MAOA: variants seen among roughly 807,000 people sequenced by gnomAD.
The protein encoded by MAOA is amine oxidase [flavin-containing] A.
MAOA carries 6 observed loss-of-function variants against 42.0 expected under a neutral mutation model. That is an observed-to-expected ratio of 0.14 (90% CI 0.08 to 0.28). MAOA has a LOEUF of 0.28. Ranked by LOEUF, MAOA falls within the 10% of genes least tolerant of loss-of-function variation. MAOA has a pLI of 1.00. For missense variants in MAOA, 262 were observed against 422.3 expected (o/e 0.62, Z 3.33); for synonymous variants, 140 against 154.0 (o/e 0.91, Z 0.67).
rs974843682 is a variant in MAOA at position 43,745,500 on chromosome X, G to A, written c.*987G>A. The A allele has an allele frequency of 5.4e-5, 6 of 111,904 alleles. No homozygotes were observed. Among genetic ancestry groups the A allele is most frequent in the Admixed American group, 4.7e-4 (5 of 10,560 alleles). 9.2% of individuals were successfully genotyped at this position (111,904 alleles called of 1,213,427 possible). ...TCAACTTACATATGTCTTCAACATG[G>A]TTACCTCTGCATAAATATTAGCAAA... On this transcript the variant is annotated 3_prime_UTR_variant, in exon 15 of 15. Coordinates refer to ENST00000338702, the MANE Select transcript of MAOA (RefSeq NM_000240.4).
intron 5 of MAOA, among the ~76,000 whole-genome samples, chrX:43,723,973 G>A (rs1170483471): frequency 4.5e-5 from 5 of 111,066 alleles, no homozygotes; most frequent in South Asian, 7.8e-4. Context: ...TTTATGTGAC[G>A]GATTACGTTT....
intron 3 of MAOA, among the ~76,000 whole-genome samples, chrX:43,699,354 A>ATTT (rs66493247): frequency 1.6e-4 from 15 of 91,708 alleles, no homozygotes; most frequent in African/African-American, 5.5e-4. Flanking sequence ...GTTGGATTCC[A>ATTT]TTTTTTTTTT....
At chrX:43,727,522 C>T (rs1481806035) in intron 5 of MAOA, among the ~76,000 whole-genome samples, 1 of 112,388 alleles carries the variant, frequency 8.9e-6, no homozygotes, top group Non-Finnish European at 1.9e-5. Context: ...ACACCAAGCT[C>T]GAGCATTCCA....
At chrX:43,667,517 G>C (rs1385279769) in intron 1 of MAOA, among the ~76,000 whole-genome samples, 1 of 111,501 alleles carries the variant, frequency 9.0e-6, no homozygotes, top group East Asian at 2.8e-4. Context: ...AGATTCCATT[G>C]TTATCCATGC....
chrX:43,656,438 C>T, intron 1 of MAOA, 24 bp downstream of exon 1: 1 of 1,176,413 alleles, frequency 8.5e-7, no homozygotes, highest in Non-Finnish European at 1.2e-6. Flanking sequence ...GTAGCGGTGG[C>T]CTGGGGGACC....
chrX:43,710,758 A>G (rs2033693870), intron 3 of MAOA, among the ~76,000 whole-genome samples: 1 of 112,023 alleles, frequency 8.9e-6, no homozygotes, highest in African/African-American at 3.2e-5. Flanking sequence ...TACACAATGA[A>G]ATGAAGTTAA....
In MAOA at chrX:43,720,339, T is replaced by C. The variant is rs565450496; in HGVS notation, c.503+7543T>C. Among the ~76,000 whole-genome samples, 5 of 109,282 alleles carry C rather than the reference T, an allele frequency of 4.6e-5. No individual in the cohort carries two copies. The South Asian group carries it at 1.6e-3, about 36-fold the overall frequency. The allele number at this position is 109,282 out of a possible 115,157, so 94.9% of individuals were successfully genotyped here. On this transcript the variant is annotated intron_variant, in intron 5 of 14. Coordinates refer to ENST00000338702, the MANE Select transcript of MAOA (RefSeq NM_000240.4). ...AAGGGCAGATGGTGTGGAAGGATGGTATCTTCCAGAAACAACCCACAGGGA... is the reference window on the plus strand; with the variant it reads ...AAGGGCAGATGGTGTGGAAGGATGGCATCTTCCAGAAACAACCCACAGGGA...
intron 13 of MAOA, 32 bp downstream of exon 13, chrX:43,743,937 C>A (rs751789377): frequency 1.7e-6 from 2 of 1,168,669 alleles, no homozygotes; most frequent in Non-Finnish European, 2.3e-6. Context: ...CTCTCCCTCC[C>A]GAGTCACGGC....
chrX:43,740,848 G>T, intron 11 of MAOA, 110 bp downstream of exon 11: 1 of 674,260 alleles, frequency 1.5e-6, no homozygotes, highest in Non-Finnish European at 2.2e-6. Context: ...AGTATAAAGC[G>T]ATATGCTTAA....
In MAOA at chrX:43,727,464, G is replaced by A. The variant is rs984615035; in HGVS notation, c.504-709G>A. Among the ~76,000 whole-genome samples, 17 of 112,102 alleles carry A rather than the reference G, an allele frequency of 1.5e-4. No individual in the cohort carries two copies. The East Asian group carries it at 3.7e-3, about 24-fold the overall frequency. On this transcript the variant is annotated intron_variant, in intron 5 of 14. Transcript: ENST00000338702. ...CCTGGTGGCTTTGTTTACACTGTGA[G>A]CATAAAACTGCCTACTCAAGCCTCA... is the stretch of plus-strand genomic sequence containing the variant.
At chrX:43,696,658 C>A (rs958865396) in intron 3 of MAOA, among the ~76,000 whole-genome samples, 4 of 108,985 alleles carry the variant, frequency 3.7e-5, no homozygotes, top group Non-Finnish European at 7.6e-5. Context: ...ATGGCGTGAA[C>A]CTGGGAGGCG....
chrX:43,675,594 G>T (rs2033387507), intron 1 of MAOA, among the ~76,000 whole-genome samples: 1 of 112,049 alleles, frequency 8.9e-6, no homozygotes, highest in South Asian at 3.7e-4. Flanking sequence ...GGTCTTTGAT[G>T]ATGGTGATGT....
In MAOA at chrX:43,675,432, C is replaced by T. The variant is rs768397980; in HGVS notation, c.74-8081C>T. Reference sequence around the variant, plus strand: ...TAGTTTGATCGTCCGAAGCCTTCTTCGCTCAACTCGTCAAAGTCATTCTCT... The same window carrying T: ...TAGTTTGATCGTCCGAAGCCTTCTTTGCTCAACTCGTCAAAGTCATTCTCT... On this transcript the variant is annotated intron_variant, in intron 1 of 14. Coordinates refer to ENST00000338702, the MANE Select transcript of MAOA (RefSeq NM_000240.4). Among the ~76,000 whole-genome samples the T allele has an allele frequency of 2.0e-4, 23 of 112,538 alleles. No individual in the cohort carries two copies. In the East Asian group the frequency reaches 3.9e-3, roughly 19 times the overall value.
At chrX:43,710,319 C>T (rs1052925898) in intron 3 of MAOA, among the ~76,000 whole-genome samples, 1 of 112,320 alleles carries the variant, frequency 8.9e-6, no homozygotes, top group Non-Finnish European at 1.9e-5. Flanking sequence ...AGATAAGAAA[C>T]GAGATCACAT....
At chrX:43,742,773 C>T (rs1210479780) in intron 12 of MAOA, among the ~76,000 whole-genome samples, 3 of 111,898 alleles carry the variant, frequency 2.7e-5, no homozygotes, top group African/African-American at 6.5e-5. Flanking sequence ...GGTGTTGCCT[C>T]CATAGATGGC....
chrX:43,705,636 T>C (rs946539536), intron 3 of MAOA, among the ~76,000 whole-genome samples: 3 of 112,277 alleles, frequency 2.7e-5, no homozygotes, highest in African/African-American at 9.7e-5. Context: ...TTTGAAGTGT[T>C]GTCATTTGTA....
Position 43,744,641 on chromosome X carries a change from C to A in MAOA, c.*128C>A, listed in dbSNP as rs2033986091. ...GGATTTAACTACCTTTGGCTTAATT[C>A]CAATCATTGTTAAAGTAAAAACAAT... is the stretch of plus-strand genomic sequence containing the variant. On this transcript the variant is annotated 3_prime_UTR_variant, in exon 15 of 15. Transcript: ENST00000338702. The A allele has an allele frequency of 4.2e-6, 3 of 708,819 alleles. No individual in the cohort carries two copies. The East Asian group carries it at 9.8e-5, about 23-fold the overall frequency. The allele number at this position is 708,819 out of a possible 1,213,427, so 58.4% of individuals were successfully genotyped here. A position where few individuals can be genotyped will look rare whatever the true frequency, so the allele number is the denominator to read the frequency against.
At chrX:43,702,788 T>G (rs2033633602) in intron 3 of MAOA, among the ~76,000 whole-genome samples, 1 of 112,025 alleles carries the variant, frequency 8.9e-6, no homozygotes, top group Non-Finnish European at 1.9e-5. Flanking sequence ...ACACTGAACC[T>G]TGGGCTGAGA....
intron 5 of MAOA, among the ~76,000 whole-genome samples, chrX:43,716,529 G>C (rs767737078): frequency 1.6e-3 from 178 of 110,956 alleles, no homozygotes; most frequent in African/African-American, 5.6e-3. Flanking sequence ...GTTTTGGTGA[G>C]GGAGTGGTAT....
Sources: allele counts gnomAD v4.1 joint callset (sites outside exome capture counted in the v4.1 genomes callset), GRCh38; gene constraint gnomAD v4.1.1; transcripts MANE v1.5; gene names NCBI Gene and HGNC (gene_info 2026-07-23, HGNC 2026-07-21).